The following TRPS1 variants were observed in gnomAD, a reference collection of about 807,000 sequenced individuals.
TRPS1 encodes zinc finger transcription factor Trps1.
Under a neutral mutation model 101.2 loss-of-function variants are expected in TRPS1, and 6 were observed. The observed-to-expected ratio is 0.06, with a 90% confidence interval of 0.03 to 0.12. The LOEUF is 0.12. Among genes scored for constraint, TRPS1 ranks in the 10% least tolerant of loss-of-function variants. The pLI is 1.00. For missense variants in TRPS1, 1,363 were observed against 1,567.0 expected, an observed-to-expected ratio of 0.87 and a Z score of 2.20; for synonymous variants, 578 against 589.8, an observed-to-expected ratio of 0.98 and a Z score of 0.29.
At chr8:115,420,438 A>G (rs1813025375) in intron 5 of TRPS1, among the ~76,000 whole-genome samples, 1 of 152,196 alleles carries the variant, frequency 6.6e-6, no homozygotes, top group Admixed American at 6.5e-5. Context: ...ATGTTTGCAA[A>G]TAAACACCAA....
At chr8:115,589,957 A>C (rs1055675499) in intron 4 of TRPS1, among the ~76,000 whole-genome samples, 1 of 152,118 alleles carries the variant, frequency 6.6e-6, no homozygotes, top group African/African-American at 2.4e-5. Context: ...TCTCTAATAA[A>C]AATACAAAAA....
At chr8:115,635,942 T>C (rs774113745) in intron 1 of TRPS1, among the ~76,000 whole-genome samples, 1 of 152,198 alleles carries the variant, frequency 6.6e-6, no homozygotes, top group Non-Finnish European at 1.5e-5. Flanking sequence ...CAAGTTTTCA[T>C]ACATAATGTT....
At chr8:115,503,887 T>C (rs1237367693) in intron 5 of TRPS1, among the ~76,000 whole-genome samples, 1 of 152,214 alleles carries the variant, frequency 6.6e-6, no homozygotes, top group Non-Finnish European at 1.5e-5. Flanking sequence ...ATCCCCTTAT[T>C]TGGTATCATT....
chr8:115,473,091 G>A (rs1460011566), intron 5 of TRPS1, among the ~76,000 whole-genome samples: 1 of 152,074 alleles, frequency 6.6e-6, no homozygotes, highest in African/African-American at 2.4e-5. Context: ...ATTTTTCAGT[G>A]TCTTTACAGC....
chr8:115,468,691 A>G (rs947490706), intron 5 of TRPS1, among the ~76,000 whole-genome samples: 98 of 152,364 alleles, frequency 6.4e-4, no homozygotes, highest in African/African-American at 2.3e-3. Context: ...CCAGCACAGC[A>G]TTTCGAGAAA....
Position 115,428,104 on chromosome 8 carries a change from A to C in TRPS1, c.2701-9652T>G, listed in dbSNP as rs556186817. On this transcript the variant is annotated intron_variant, in intron 5 of 6. Coordinates refer to ENST00000395715, the MANE Select transcript of TRPS1 (RefSeq NM_014112.5). ...ACATGCTCTGTAAACACACATGTTC[A>C]GGTAACAATTTACTAGATTTCTTTT... 3.3e-5 allele frequency among the ~76,000 whole-genome samples: 5 copies of C among 152,310 alleles called. No homozygotes were observed. In the South Asian group the frequency reaches 1.0e-3, roughly 32 times the overall value.
intron 5 of TRPS1, among the ~76,000 whole-genome samples, chr8:115,483,134 C>T (rs1187657875): frequency 1.3e-5 from 2 of 152,304 alleles, no homozygotes; most frequent in Middle Eastern, 3.4e-3. Flanking sequence ...AACACTCAGT[C>T]ACTTTCTGCT....
intron 1 of TRPS1, among the ~76,000 whole-genome samples, chr8:115,636,998 A>G (rs1563661090): frequency 1.3e-5 from 2 of 152,152 alleles, no homozygotes; most frequent in Non-Finnish European, 2.9e-5. Flanking sequence ...TCTTTTATTA[A>G]TATTTCTATT....
At chr8:115,639,011 T>C (rs1563662394) in intron 1 of TRPS1, among the ~76,000 whole-genome samples, 4 of 152,172 alleles carry the variant, frequency 2.6e-5, no homozygotes, top group Admixed American at 6.5e-5. Context: ...CCAGCATCCA[T>C]TGGGAGAAAG....
At chr8:115,478,167 T>C (rs1324538845) in intron 5 of TRPS1, among the ~76,000 whole-genome samples, 2 of 152,214 alleles carry the variant, frequency 1.3e-5, no homozygotes, top group Admixed American at 1.3e-4. Flanking sequence ...GCAATTTACA[T>C]CAAAGTACTC....
In TRPS1 at chr8:115,418,439, G is replaced by C; in HGVS notation, c.2714C>G (p.Ser905Cys). 6.2e-7 allele frequency: 1 copy of C among 1,614,070 alleles called. No individual in the cohort carries two copies. Among genetic ancestry groups the C allele is most frequent in the Non-Finnish European group, 8.5e-7 (1 of 1,179,984 alleles). Residue 905 changes from serine to cysteine, a missense_variant, in exon 6 of 7, where the codon TCC becomes TGC. Physicochemically the swap from Ser to Cys is moderately radical, Grantham distance 112. Coordinates refer to ENST00000395715, the MANE Select transcript of TRPS1 (RefSeq NM_014112.5). The surrounding 1 kb of genome is among the most constrained non-coding windows in gnomAD (Gnocchi z 4.3). ...SQSLLRRRRG[S>C]GVFCANCLTT... Reference sequence around the variant, plus strand: ...CAGGCAATTGGCACAAAAAACACCGGAGCCTCTACGCCTCTGAAACAGGGG... The same window carrying C: ...CAGGCAATTGGCACAAAAAACACCGCAGCCTCTACGCCTCTGAAACAGGGG...
Position 115,418,360 on chromosome 8 carries a change from G to A in TRPS1, c.2793C>T (p.Asn931=), listed in dbSNP as rs376942817. The A allele has an allele frequency of 4.8e-5, 78 of 1,614,044 alleles. No individual in the cohort carries two copies. The African/African-American group carries it at 8.1e-4, about 17-fold the overall frequency. Residue 931 remains asparagine (N), a synonymous_variant, in exon 6 of 7, where the codon AAC becomes AAT. Coordinates refer to ENST00000395715, the MANE Select transcript of TRPS1 (RefSeq NM_014112.5). The surrounding 1 kb of genome is among the most constrained non-coding windows in gnomAD (Gnocchi z 4.3). ...GAAGCTTCTGGTAGAGGCCACACGC[G>A]TTGCATACATATCCGCCATTTGCAT... ...RKNANGGYVC[N]ACGLYQKLHS...
At chr8:115,608,768 C>G (rs1257638132) in intron 3 of TRPS1, among the ~76,000 whole-genome samples, 1 of 151,654 alleles carries the variant, frequency 6.6e-6, no homozygotes, top group Non-Finnish European at 1.5e-5. Flanking sequence ...AAATGAAGAA[C>G]TGTTTTTTAA....
intron 5 of TRPS1, among the ~76,000 whole-genome samples, chr8:115,420,774 A>T (rs1489445475): frequency 6.6e-6 from 1 of 152,242 alleles, no homozygotes; most frequent in Non-Finnish European, 1.5e-5. Context: ...GCTATATTTT[A>T]GGTAAACCAT....
chr8:115,552,346 C>A (rs1457549930), intron 5 of TRPS1, among the ~76,000 whole-genome samples: 1 of 151,980 alleles, frequency 6.6e-6, no homozygotes, highest in Non-Finnish European at 1.5e-5. Context: ...TCTAAAAATG[C>A]TGGAATTTGT....
At chr8:115,539,396 T>A (rs1359470440) in intron 5 of TRPS1, among the ~76,000 whole-genome samples, 1 of 152,254 alleles carries the variant, frequency 6.6e-6, no homozygotes, top group Non-Finnish European at 1.5e-5. Context: ...CTAAATATTT[T>A]ATGTCTAGTC....
At chr8:115,546,314 T>A (rs1052755173) in intron 5 of TRPS1, among the ~76,000 whole-genome samples, 6 of 151,978 alleles carry the variant, frequency 3.9e-5, no homozygotes, top group African/African-American at 1.4e-4. Flanking sequence ...AGCTAAAAAA[T>A]GCTAAATAAA....
intron 5 of TRPS1, among the ~76,000 whole-genome samples, chr8:115,563,077 A>T: frequency 6.6e-6 from 1 of 152,030 alleles, no homozygotes; most frequent in East Asian, 1.9e-4. Flanking sequence ...ATGTGAATGA[A>T]ACACTTGTCT....
At chr8:115,445,772 T>C (rs2129903305) in intron 5 of TRPS1, among the ~76,000 whole-genome samples, 1 of 152,156 alleles carries the variant, frequency 6.6e-6, no homozygotes, top group East Asian at 1.9e-4. Context: ...TGAGATAGAG[T>C]AGGCAACGAA....
Sources: allele counts gnomAD v4.1 joint callset (sites outside exome capture counted in the v4.1 genomes callset), GRCh38; gene constraint gnomAD v4.1.1; non-coding constraint Gnocchi (gnomAD v3.1); transcripts MANE v1.5; gene names NCBI Gene and HGNC (gene_info 2026-07-23, HGNC 2026-07-21).